The following THAP9 variants were observed in gnomAD, a reference collection of about 807,000 sequenced individuals.
The protein encoded by THAP9 is DNA transposase THAP9.
Under a neutral mutation model 35.7 loss-of-function variants are expected in THAP9, and 20 were observed. The ratio of observed to expected loss-of-function variants is 0.56; its 90% CI spans 0.39 to 0.81. The LOEUF (loss-of-function observed/expected upper bound fraction) is 0.81, where lower values mean the gene tolerates loss of function less well. THAP9 is among the 40% of genes least tolerant of loss of function. The pLI is 0.00. For synonymous variants in THAP9, 335 were observed against 373.7 expected, an observed-to-expected ratio of 0.90 and a Z score of 1.19; for missense variants, 870 against 1,047.4, an observed-to-expected ratio of 0.83 and a Z score of 2.34.
At position 82,916,980 on chromosome 4, in the gene THAP9, C is replaced by G; in HGVS notation, c.768C>G (p.Asn256Lys). The change falls in exon 5 of 5, where the codon AAC becomes AAG. Residue 256 changes from asparagine (N) to lysine (K), a missense_variant. Physicochemically the swap from Asn to Lys is moderately conservative, Grantham distance 94 (BLOSUM62 0). Transcript: ENST00000302236. ...AATGCCAACCCAGTCCAGGTTTCAA[C>G]AGCAACATTTTTTCTTTTCTTCAAC... Reference protein sequence around the residue: ...LSKCQPSPGFNSNIFSFLQRR... With the variant: ...LSKCQPSPGFKSNIFSFLQRR... 1 of 1,543,954 alleles carries G rather than the reference C, an allele frequency of 6.5e-7. No homozygotes were observed. The highest frequency in any genetic ancestry group is 1.3e-5 in the South Asian group (1 of 78,676).
chr4:82,909,199 C>G (rs1042471219), intron 4 of THAP9, among the ~76,000 whole-genome samples: 10 of 152,114 alleles, frequency 6.6e-5, no homozygotes, highest in South Asian at 2.1e-4. Context: ...GCCACTGTGC[C>G]CAGCCCAGAT....
chr4:82,909,024 A>G (rs1033874283), intron 4 of THAP9, among the ~76,000 whole-genome samples: 2 of 151,762 alleles, frequency 1.3e-5, no homozygotes, highest in Non-Finnish European at 2.9e-5. Context: ...CTCCTGCCTC[A>G]GCCTCCCAAG....
intron 4 of THAP9, among the ~76,000 whole-genome samples, chr4:82,913,837 A>G (rs1720950261): frequency 6.6e-6 from 1 of 151,652 alleles, no homozygotes; most frequent in Non-Finnish European, 1.5e-5. Flanking sequence ...CCCAGGTTCA[A>G]GTGATTCTCC....
At chr4:82,916,804 A>T (rs1721046224) in intron 4 of THAP9, 140 bp from the exon 5 acceptor site, 7 of 518,928 alleles carry the variant, frequency 1.3e-5, no homozygotes, top group Non-Finnish European at 2.2e-5. Flanking sequence ...TACCATTGAA[A>T]ATATCTATAG....
rs932691531 is a variant in THAP9, at chr4:82,919,405, A to G, written c.*481A>G. 4 of 152,478 alleles carry G rather than the reference A, an allele frequency of 2.6e-5. No individual in the cohort carries two copies. Among genetic ancestry groups the G allele is most frequent in the Non-Finnish European group, 4.4e-5 (3 of 68,244 alleles). 9.4% of individuals were successfully genotyped at this position (152,478 alleles called of 1,614,324 possible). Reference sequence around the variant, plus strand: ...TTAAATATGAAAATTATAGTTTGAAAATTAGGCTCAAGCAAATATCAAATA... The same window carrying G: ...TTAAATATGAAAATTATAGTTTGAAGATTAGGCTCAAGCAAATATCAAATA... On this transcript the variant is annotated 3_prime_UTR_variant, in exon 5 of 5. Transcript: ENST00000302236.
chr4:82,917,297 G>A lies in THAP9; in HGVS notation c.1085G>A (p.Ser362Asn), dbSNP rs1381524475. ...CTTCGTCTGACTATTGGTAAACTGA[G>A]TGACATAGGAATCACAGTTCTGGCT... ...QLLRLTIGKL[S>N]DIGITVLAVT... Residue 362 changes from serine to asparagine, a missense_variant, in exon 5 of 5, where the codon AGT (serine) becomes AAT (asparagine). Transcript: ENST00000302236. 1.9e-6 allele frequency: 3 copies of A among 1,613,976 alleles called. No individual in the cohort carries two copies. The highest frequency in any genetic ancestry group is 2.5e-6 in the Non-Finnish European group (3 of 1,179,990).
chr4:82,904,827 G>T lies in THAP9; in HGVS notation c.172G>T (p.Gly58Cys). Residue 58 changes from glycine to cysteine, a missense_variant, in exon 2 of 5, where the codon GGT (glycine) becomes TGT (cysteine). Coordinates refer to ENST00000302236, the MANE Select transcript of THAP9 (RefSeq NM_024672.6). ...CAAAAAGATTTGGATTCCAGGACCA[G>T]GTGCTATACTGTGTTCCAAACATTT... ...RSKKIWIPGP[G>C]AILCSKHFQE... is the part of the protein sequence containing the mutation. 1 of 1,614,066 alleles carries T rather than the reference G, an allele frequency of 6.2e-7. No individual in the cohort carries two copies. The highest frequency in any genetic ancestry group is 8.5e-7 in the Non-Finnish European group (1 of 1,179,998).
intron 3 of THAP9, among the ~76,000 whole-genome samples, chr4:82,906,856 A>C (rs1720668073): frequency 6.6e-6 from 1 of 152,176 alleles, no homozygotes; most frequent in Non-Finnish European, 1.5e-5. Context: ...TATTTAAGTA[A>C]TTAAAATAAT....
At chr4:82,907,357 T>C (rs1720686846) in intron 3 of THAP9, among the ~76,000 whole-genome samples, 1 of 152,128 alleles carries the variant, frequency 6.6e-6, no homozygotes, top group South Asian at 2.1e-4. Flanking sequence ...CAGAATTTTT[T>C]TTTTTTCTCT....
intron 1 of THAP9, among the ~76,000 whole-genome samples, chr4:82,901,527 A>G (rs571214800): frequency 6.7e-4 from 102 of 152,320 alleles, no homozygotes; most frequent in African/African-American, 2.4e-3. Flanking sequence ...AAGATCAAAA[A>G]GAACTTTATG....
chr4:82,915,791 G>A (rs1437378795), intron 4 of THAP9, among the ~76,000 whole-genome samples: 2 of 152,066 alleles, frequency 1.3e-5, no homozygotes, highest in Non-Finnish European at 2.9e-5. Context: ...TTGGCTGTCT[G>A]TATATGCAAG....
rs757489266 is a variant in THAP9, at chr4:82,918,345, T to C, written c.2133T>C (p.His711=). 3.1e-6 allele frequency: 5 copies of C among 1,614,196 alleles called. No homozygotes were observed. The highest frequency in any genetic ancestry group is 3.3e-5 in the Admixed American group (2 of 60,026). ...AGGCATTACTAGACCTGTCAGATCA[T>C]AGGCGAAATCTCATCTGTTATGCTG... ...LSEALLDLSD[H]RRNLICYAGY... is the part of the protein sequence containing the mutation. Residue 711 remains histidine, a synonymous_variant, in exon 5 of 5, where the codon CAT becomes CAC. Coordinates refer to ENST00000302236, the MANE Select transcript of THAP9 (RefSeq NM_024672.6).
chr4:82,915,393 A>C (rs904019861), intron 4 of THAP9, among the ~76,000 whole-genome samples: 2 of 152,046 alleles, frequency 1.3e-5, no homozygotes, highest in Non-Finnish European at 2.9e-5. Flanking sequence ...AGTGGCTGGG[A>C]TTACAGGTGC....
intron 1 of THAP9, among the ~76,000 whole-genome samples, chr4:82,901,549 G>A (rs1263757586): frequency 6.6e-6 from 1 of 152,148 alleles, no homozygotes; most frequent in South Asian, 2.1e-4. Flanking sequence ...TTGGAAAGGG[G>A]GGGTAGGAAG....
At position 82,907,389 on chromosome 4, in the gene THAP9, G is replaced by A. The variant is rs531937177; in HGVS notation, c.581-396G>A. Among the ~76,000 whole-genome samples, 3 of 151,820 alleles carry A rather than the reference G, an allele frequency of 2.0e-5. No homozygotes were observed. In the South Asian group the frequency reaches 6.2e-4, roughly 32 times the overall value. The stretch of plus-strand genomic sequence containing the variant: ...CTCTTGATATTAGGCAAGATGGTCT[G>A]TTCAGTCTGAATAGTACCCTATCCC... On this transcript the variant is annotated intron_variant, in intron 3 of 4. Coordinates refer to ENST00000302236, the MANE Select transcript of THAP9 (RefSeq NM_024672.6).
Position 82,900,789 on chromosome 4 carries a change from C to T in THAP9, c.-14C>T, listed in dbSNP as rs1287153718. On this transcript the variant is annotated 5_prime_UTR_variant, in exon 1 of 5. Coordinates refer to ENST00000302236, the MANE Select transcript of THAP9 (RefSeq NM_024672.6). Reference sequence around the variant, plus strand: ...CGCGGGAACCCCGAAGGTGGGGCCCCACGTAACAAGAAGATGACCCGAAGT... The same window carrying T: ...CGCGGGAACCCCGAAGGTGGGGCCCTACGTAACAAGAAGATGACCCGAAGT... 3 of 1,613,630 alleles carry T rather than the reference C, an allele frequency of 1.9e-6. No homozygotes were observed. Among genetic ancestry groups the T allele is most frequent in the Admixed American group, 3.3e-5 (2 of 60,036 alleles).
chr4:82,906,136 C>CAAAAA (rs11444044), intron 2 of THAP9, among the ~76,000 whole-genome samples, 188 bp from the exon 3 acceptor site: 1 of 142,380 alleles, frequency 7.0e-6, no homozygotes, highest in Non-Finnish European at 1.6e-5. Context: ...CTGTGTAGTG[C>CAAAAA]AAAAAAAAAA....
At chr4:82,902,508 C>A (rs567413331) in intron 1 of THAP9, among the ~76,000 whole-genome samples, 4 of 152,318 alleles carry the variant, frequency 2.6e-5, no homozygotes, top group Admixed American at 1.3e-4. Context: ...CAGCTGTACT[C>A]ACTAGGCATA....
At chr4:82,914,164 T>G (rs535283985) in intron 4 of THAP9, among the ~76,000 whole-genome samples, 20 of 152,358 alleles carry the variant, frequency 1.3e-4, no homozygotes, top group African/African-American at 4.8e-4. Context: ...ATGATCTCAT[T>G]CTTTTTTATG....
Sources: gnomAD v4.1 joint callset for allele counts (sites outside exome capture counted in the v4.1 genomes callset) on GRCh38, gnomAD v4.1.1 for gene constraint, MANE v1.5 for transcripts, NCBI Gene and HGNC (gene_info 2026-07-23, HGNC 2026-07-21) for gene names.